NKAIN2: variants seen among roughly 807,000 people sequenced by gnomAD.
NKAIN2 encodes sodium/potassium-transporting ATPase subunit beta-1-interacting protein 2.
Under a neutral mutation model 32.6 loss-of-function variants are expected in NKAIN2, and 14 were observed. The observed-to-expected ratio is 0.43, with a 90% confidence interval of 0.28 to 0.67. The LOEUF is 0.67. NKAIN2 is among the 30% of genes least tolerant of loss of function. The pLI is 0.17. For synonymous variants in NKAIN2, 80 were observed against 87.2 expected (o/e 0.92, Z 0.46); for missense variants, 198 against 258.3 (o/e 0.77, Z 1.60).
rs1247505338 is a variant in NKAIN2, at chr6:124,807,634, A to C, written c.536-10753A>C. Among the ~76,000 whole-genome samples, 50 of 148,602 alleles carry C rather than the reference A, an allele frequency of 3.4e-4. No homozygotes were observed. The East Asian group carries it at 8.3e-3, about 25-fold the overall frequency. The stretch of plus-strand genomic sequence containing the variant: ...AGCTAGCAGAAGGCAAGAAATAACT[A>C]AAATCAGAGCAGAACTGAAGGAAAT... On this transcript the variant is annotated intron_variant, in intron 5 of 6. Transcript: ENST00000368417.
intron 1 of NKAIN2, among the ~76,000 whole-genome samples, chr6:123,917,236 ATC>A (rs1775542283): frequency 1.3e-5 from 2 of 151,480 alleles, no homozygotes; most frequent in Non-Finnish European, 2.9e-5. Flanking sequence ...CTTGGATTTT[ATC>A]TGTTTTTTTT....
At chr6:124,521,552 C>T (rs964726048) in intron 3 of NKAIN2, among the ~76,000 whole-genome samples, 1 of 152,150 alleles carries the variant, frequency 6.6e-6, no homozygotes, top group African/African-American at 2.4e-5. Context: ...TACGTGAATG[C>T]TGGATACTGT....
intron 3 of NKAIN2, among the ~76,000 whole-genome samples, chr6:124,558,204 T>C (rs1780549754): frequency 6.6e-6 from 1 of 152,214 alleles, no homozygotes; most frequent in Admixed American, 6.5e-5. Flanking sequence ...TTTTTTTCCT[T>C]GTATCAGGTT....
chr6:124,065,900 G>A (rs749037851), intron 1 of NKAIN2, among the ~76,000 whole-genome samples: 13 of 152,186 alleles, frequency 8.5e-5, no homozygotes, highest in Non-Finnish European at 1.5e-4. Flanking sequence ...ATAAATATGT[G>A]TATCCATAAT....
chr6:123,853,775 CTTT>C (rs1247862956), intron 1 of NKAIN2, among the ~76,000 whole-genome samples: 2 of 141,342 alleles, frequency 1.4e-5, no homozygotes, highest in Non-Finnish European at 1.6e-5. Context: ...GATAAATTTC[CTTT>C]TTTTTTTTTT....
intron 1 of NKAIN2, among the ~76,000 whole-genome samples, chr6:123,919,504 A>C (rs1365892960): frequency 6.6e-6 from 1 of 152,168 alleles, no homozygotes; most frequent in Non-Finnish European, 1.5e-5. Flanking sequence ...GCTGTTGTTT[A>C]ATAAATATAA....
chr6:124,786,707 G>C (rs1779521376), intron 4 of NKAIN2, among the ~76,000 whole-genome samples: 1 of 151,974 alleles, frequency 6.6e-6, no homozygotes. Context: ...ATTATACTTA[G>C]CTCTGCTTTG....
At chr6:124,283,810 A>AT (rs1423675848) in intron 2 of NKAIN2, among the ~76,000 whole-genome samples, 7 of 151,546 alleles carry the variant, frequency 4.6e-5, no homozygotes, top group Admixed American at 3.9e-4. Context: ...ATTAATGTAC[A>AT]TTTTTTTCTT....
intron 4 of NKAIN2, among the ~76,000 whole-genome samples, chr6:124,668,843 AG>A (rs762814461): frequency 6.6e-6 from 1 of 152,174 alleles, no homozygotes; most frequent in Non-Finnish European, 1.5e-5. Context: ...ATAAAAATAT[AG>A]TAAAGAAGTC....
chr6:124,448,291 C>T (rs1169352878), intron 3 of NKAIN2, among the ~76,000 whole-genome samples: 2 of 152,044 alleles, frequency 1.3e-5, no homozygotes, highest in African/African-American at 4.8e-5. Flanking sequence ...CGTGGCATGA[C>T]CCTCAGCCTA....
intron 5 of NKAIN2, among the ~76,000 whole-genome samples, chr6:124,810,484 G>C (rs991198709): frequency 6.6e-6 from 1 of 152,056 alleles, no homozygotes; most frequent in African/African-American, 2.4e-5. Context: ...GGACTGTTGT[G>C]GGGTGGGGGG....
chr6:124,486,265 A>G (rs55641785), intron 3 of NKAIN2, among the ~76,000 whole-genome samples: 9,612 of 152,248 alleles, frequency 0.063, 880 homozygotes, highest in African/African-American at 0.2. Context: ...GCAGGATTTC[A>G]GAAGAACCCA....
At position 123,941,233 on chromosome 6, in the gene NKAIN2, G is replaced by A. The variant is rs1285592036; in HGVS notation, c.54+136979G>A. Among the ~76,000 whole-genome samples the A allele has an allele frequency of 7.9e-5, 12 of 151,480 alleles. No individual in the cohort carries two copies. The Admixed American group carries it at 7.9e-4, about 10-fold the overall frequency. ...CTGCCCTGATAACATTTCGTTCCGG[G>A]ATTCTTCCTGAAGGACTGCTTGATG... On this transcript the variant is annotated intron_variant, in intron 1 of 6. Transcript: ENST00000368417.
intron 1 of NKAIN2, among the ~76,000 whole-genome samples, chr6:123,956,726 T>A (rs1474831064): frequency 1.3e-5 from 2 of 152,182 alleles, no homozygotes; most frequent in Non-Finnish European, 2.9e-5. Context: ...TTCTCGGAAT[T>A]TCCTGGGAGT....
At chr6:124,253,159 T>C (rs1036960475) in intron 1 of NKAIN2, among the ~76,000 whole-genome samples, 1 of 152,178 alleles carries the variant, frequency 6.6e-6, no homozygotes, top group Non-Finnish European at 1.5e-5. Flanking sequence ...TTATTTCAAT[T>C]GGTCTTTTCT....
chr6:123,886,424 C>T (rs1164314026), intron 1 of NKAIN2, among the ~76,000 whole-genome samples: 1 of 151,926 alleles, frequency 6.6e-6, no homozygotes, highest in African/African-American at 2.4e-5. Context: ...AACAAGGACA[C>T]CAAATATATA....
At chr6:123,997,217 G>A (rs892678324) in intron 1 of NKAIN2, among the ~76,000 whole-genome samples, 3 of 152,202 alleles carry the variant, frequency 2.0e-5, no homozygotes, top group African/African-American at 7.2e-5. Flanking sequence ...TAGCTTCATA[G>A]ATATCTTGCA....
intron 1 of NKAIN2, among the ~76,000 whole-genome samples, chr6:123,984,376 G>A (rs1250134387): frequency 1.3e-5 from 2 of 151,916 alleles, no homozygotes; most frequent in Non-Finnish European, 2.9e-5. Context: ...TGTGTGAAAT[G>A]GAAGGCTATT....
intron 2 of NKAIN2, among the ~76,000 whole-genome samples, chr6:124,303,618 C>T (rs1405203594): frequency 1.3e-5 from 2 of 152,194 alleles, no homozygotes; most frequent in African/African-American, 2.4e-5. Context: ...GGAAGCATTG[C>T]TGGGACTGGC....
Sources: gnomAD v4.1 joint callset for allele counts (sites outside exome capture counted in the v4.1 genomes callset) on GRCh38, gnomAD v4.1.1 for gene constraint, MANE v1.5 for transcripts, NCBI Gene and HGNC (gene_info 2026-07-23, HGNC 2026-07-21) for gene names.